The following CRACR2A variants were observed in gnomAD, a reference collection of about 807,000 sequenced individuals.
CRACR2A encodes the protein EF-hand calcium-binding domain-containing protein 4B.
CRACR2A carries 79 observed loss-of-function variants against 90.5 expected under a neutral mutation model. The ratio of observed to expected loss-of-function variants is 0.87; its 90% CI spans 0.73 to 1.05. The LOEUF (loss-of-function observed/expected upper bound fraction) is 1.05. Ranked by LOEUF, CRACR2A falls within the 50% of genes least tolerant of loss-of-function variation. CRACR2A has a pLI of 0.00. For synonymous variants in CRACR2A, 338 were observed against 356.7 expected (o/e 0.95, Z 0.59); for missense variants, 823 against 897.2 (o/e 0.92, Z 1.06).
At chr12:3,688,503 G>A (rs1945602660) in intron 4 of CRACR2A, among the ~76,000 whole-genome samples, 1 of 152,124 alleles carries the variant, frequency 6.6e-6, no homozygotes, top group Admixed American at 6.5e-5. Flanking sequence ...GGTTGTGGGT[G>A]TGCAGCCTTA....
intron 1 of CRACR2A, among the ~76,000 whole-genome samples, chr12:3,751,162 G>C (rs1372492039): frequency 1.3e-5 from 2 of 152,108 alleles, no homozygotes; most frequent in Admixed American, 1.3e-4. Flanking sequence ...CTACAATATG[G>C]AACAATCATA....
rs146428371 is a variant in CRACR2A at position 3,699,133 on chromosome 12, G to A, written c.-36-2098C>T. Among the ~76,000 whole-genome samples, 441 of 152,260 alleles carry A rather than the reference G, an allele frequency of 2.9e-3. 2 individuals carry two copies. The highest frequency in any genetic ancestry group is 5.2e-3 in the Non-Finnish European group (355 of 68,020). On this transcript the variant is annotated intron_variant, in intron 3 of 19. Transcript: ENST00000440314. Reference sequence around the variant, plus strand: ...AACTGAATTTTGGAGAGGTTAATTTGTATCAGGGTCTAGCACAGTCAGAGA... The same window carrying A: ...AACTGAATTTTGGAGAGGTTAATTTATATCAGGGTCTAGCACAGTCAGAGA...
intron 11 of CRACR2A, among the ~76,000 whole-genome samples, chr12:3,646,055 A>G (rs1944680009): frequency 6.6e-6 from 1 of 152,162 alleles, no homozygotes. Context: ...AAGAAGGCAG[A>G]GACATGGGCA....
intron 1 of CRACR2A, among the ~76,000 whole-genome samples, chr12:3,740,533 G>T (rs1946508696): frequency 6.6e-6 from 1 of 152,128 alleles, no homozygotes; most frequent in South Asian, 2.1e-4. Flanking sequence ...TATCATATTT[G>T]TAGAGCATTT....
At chr12:3,741,765 C>T (rs1946528499) in intron 1 of CRACR2A, among the ~76,000 whole-genome samples, 1 of 152,206 alleles carries the variant, frequency 6.6e-6, no homozygotes, top group Non-Finnish European at 1.5e-5. Context: ...GGAGTCACAT[C>T]ACATCGGCAT....
chr12:3,752,345 CACACACACACGG>C (rs1235484796), intron 1 of CRACR2A, among the ~76,000 whole-genome samples: 10 of 21,948 alleles, frequency 4.6e-4, no homozygotes, highest in African/African-American at 8.8e-4. Flanking sequence ...CGGACACACA[CACACACACACGG>C]ACACACACAC....
At chr12:3,705,024 G>C (rs1423662349) in intron 3 of CRACR2A, among the ~76,000 whole-genome samples, 1 of 152,176 alleles carries the variant, frequency 6.6e-6, no homozygotes, top group Non-Finnish European at 1.5e-5. Context: ...TCTCCCATTT[G>C]GATGAAGCCC....
chr12:3,670,099 A>G (rs1943293730), intron 7 of CRACR2A, among the ~76,000 whole-genome samples: 2 of 152,116 alleles, frequency 1.3e-5, no homozygotes, highest in Admixed American at 1.3e-4. Context: ...GAGGGACTCT[A>G]TGTTCCCTTT....
At chr12:3,710,901 A>G (rs918829344) in intron 3 of CRACR2A, among the ~76,000 whole-genome samples, 9 of 152,138 alleles carry the variant, frequency 5.9e-5, no homozygotes, top group African/African-American at 1.9e-4. Flanking sequence ...ATTTCCTACT[A>G]TCATCCACTT....
rs780548360 is a variant in CRACR2A, at chr12:3,656,311, C to T, written c.858G>A (p.Arg286=). The T allele has an allele frequency of 2.5e-6, 4 of 1,614,032 alleles. No homozygotes were observed. The highest frequency in any genetic ancestry group is 3.4e-6 in the Non-Finnish European group (4 of 1,180,010). ...TCTGGGGCCATGGATGGCAACATACCCTTTTCTGCTTCTGGGTGAGCTGCT... is the reference window on the plus strand; with the variant it reads ...TCTGGGGCCATGGATGGCAACATACTCTTTTCTGCTTCTGGGTGAGCTGCT... ...ELEQLTQKQK[R]LEGQCTALHH... Residue 286 remains arginine, a splice_region_variant and synonymous_variant, in exon 9 of 20, where the codon AGG becomes AGA. Coordinates refer to ENST00000440314, the MANE Select transcript of CRACR2A (RefSeq NM_001144958.2).
chr12:3,696,693 C>T lies in CRACR2A; in HGVS notation c.228+79G>A, dbSNP rs537513564. ...ATCTTTTCTGTTAAGGATGTCACCT[C>T]CCACGGGGCAAGCTCTAACCCAAGA... On this transcript the variant is annotated intron_variant, in intron 4 of 19. Coordinates refer to ENST00000440314, the MANE Select transcript of CRACR2A (RefSeq NM_001144958.2). The T allele has an allele frequency of 4.1e-5, 65 of 1,590,402 alleles. 1 individual carries two copies. The Admixed American group carries it at 1.0e-3, about 26-fold the overall frequency.
chr12:3,684,489 T>C (rs1313615967), intron 4 of CRACR2A, among the ~76,000 whole-genome samples: 1 of 152,156 alleles, frequency 6.6e-6, no homozygotes, highest in Non-Finnish European at 1.5e-5. Flanking sequence ...TTACAGGATA[T>C]GTAGCAGCAT....
At chr12:3,691,591 T>C (rs1399669813) in intron 4 of CRACR2A, among the ~76,000 whole-genome samples, 1 of 152,206 alleles carries the variant, frequency 6.6e-6, no homozygotes, top group Non-Finnish European at 1.5e-5. Context: ...CATTTCAATC[T>C]TGGAAAATCT....
At chr12:3,636,322 G>C (rs1824033385) in intron 14 of CRACR2A, among the ~76,000 whole-genome samples, 1 of 152,216 alleles carries the variant, frequency 6.6e-6, no homozygotes, top group South Asian at 2.1e-4. Flanking sequence ...TCTCTTGCTG[G>C]AGCTGTTATG....
intron 3 of CRACR2A, among the ~76,000 whole-genome samples, chr12:3,712,712 AT>A (rs1266555384): frequency 1.3e-5 from 2 of 152,148 alleles, no homozygotes; most frequent in Non-Finnish European, 2.9e-5. Flanking sequence ...CTATATTACT[AT>A]CCCATGGGAA....
chr12:3,635,115 C>T (rs919964294), intron 14 of CRACR2A, among the ~76,000 whole-genome samples: 6 of 152,166 alleles, frequency 3.9e-5, no homozygotes, highest in African/African-American at 1.4e-4. Flanking sequence ...TGACCACTGC[C>T]CCTCCCCAGG....
chr12:3,658,928 GCTTGGGAAGGGGCTGAT>G (rs1944969967), intron 8 of CRACR2A, among the ~76,000 whole-genome samples: 1 of 152,112 alleles, frequency 6.6e-6, no homozygotes, highest in Non-Finnish European at 1.5e-5. Flanking sequence ...AAATGGCAGG[GCTTGGGAAGGGGCTGAT>G]AAGGGTCAGA....
chr12:3,669,136 C>T (rs996454798), intron 7 of CRACR2A, among the ~76,000 whole-genome samples: 3 of 152,228 alleles, frequency 2.0e-5, no homozygotes, highest in African/African-American at 7.2e-5. Context: ...CCTAATTTAT[C>T]CTTGCCCCCA....
chr12:3,701,933 T>G (rs1945841317), intron 3 of CRACR2A, among the ~76,000 whole-genome samples: 1 of 152,172 alleles, frequency 6.6e-6, no homozygotes. Context: ...TTGTAACAGA[T>G]TGAGTTCAAC....
Sources: allele counts gnomAD v4.1 joint callset (sites outside exome capture counted in the v4.1 genomes callset), GRCh38; gene constraint gnomAD v4.1.1; transcripts MANE v1.5; gene names NCBI Gene and HGNC (gene_info 2026-07-23, HGNC 2026-07-21).